The following PSKH1 variants were observed in gnomAD, a reference collection of about 807,000 sequenced individuals.
PSKH1 encodes the protein serine/threonine-protein kinase H1.
In PSKH1, 12 loss-of-function variants were observed where a neutral mutation model predicts 26.7. That is an observed-to-expected ratio of 0.45 (90% CI 0.29 to 0.73). The LOEUF (loss-of-function observed/expected upper bound fraction) is 0.73. Among genes scored for constraint, PSKH1 ranks in the 30% least tolerant of loss-of-function variants. The pLI is 0.11. For synonymous variants in PSKH1, 213 were observed against 234.3 expected, an observed-to-expected ratio of 0.91 and a Z score of 0.83; for missense variants, 431 against 595.2, an observed-to-expected ratio of 0.72 and a Z score of 2.87.
rs2058227958 is a variant in PSKH1 at position 67,928,785 on chromosome 16, GGAGT to G, written c.*1144_*1147del. On this transcript the variant is annotated 3_prime_UTR_variant, in exon 3 of 3. Coordinates refer to ENST00000291041, the MANE Select transcript of PSKH1 (RefSeq NM_006742.3). This position sits in a 1 kb window ranked among gnomAD's most constrained non-coding sequence, Gnocchi z 4.8. The stretch of plus-strand genomic sequence containing the variant: ...TCCTCCATGAGGACATGGGAAGGTA[GGAGT>G]TGCCGCCCTGGGGGAGGGTCCCGGG... The G allele has an allele frequency of 6.6e-6, 1 of 152,362 alleles. No homozygotes were observed. The highest frequency in any genetic ancestry group is 1.5e-5 in the Non-Finnish European group (1 of 68,138). The allele number at this position is 152,362 out of a possible 1,614,324, so 9.4% of individuals were successfully genotyped here.
chr16:67,895,765 A>G (rs951134191), intron 1 of PSKH1, among the ~76,000 whole-genome samples: 1 of 152,198 alleles, frequency 6.6e-6, no homozygotes, highest in African/African-American at 2.4e-5. Flanking sequence ...CTCATTGAAG[A>G]TCTTTGTCAT....
chr16:67,894,517 A>G (rs2058120717), intron 1 of PSKH1, among the ~76,000 whole-genome samples: 1 of 152,190 alleles, frequency 6.6e-6, no homozygotes, highest in Non-Finnish European at 1.5e-5. Flanking sequence ...ACCACCTACC[A>G]GTGTTGGAAA....
intron 1 of PSKH1, among the ~76,000 whole-genome samples, chr16:67,904,446 C>A (rs193192365): frequency 1.3e-5 from 2 of 151,936 alleles, no homozygotes; most frequent in African/African-American, 4.8e-5. Context: ...CCTTGTGATC[C>A]GCCCACCTCG....
intron 2 of PSKH1, among the ~76,000 whole-genome samples, chr16:67,922,684 G>A (rs747180902): frequency 6.6e-6 from 1 of 152,246 alleles, no homozygotes; most frequent in Non-Finnish European, 1.5e-5. Flanking sequence ...CCTTCCTCGT[G>A]TTAAAAGTGA....
chr16:67,909,807 C>T lies in PSKH1; in HGVS notation c.957+101C>T, dbSNP rs781361288. 66 of 1,108,558 alleles carry T rather than the reference C, an allele frequency of 6.0e-5. No homozygotes were observed. The highest frequency in any genetic ancestry group is 2.1e-5 in the Non-Finnish European group (16 of 772,958). The allele number at this position is 1,108,558 out of a possible 1,614,324, so 68.7% of individuals were successfully genotyped here. On this transcript the variant is annotated intron_variant, in intron 2 of 2. Coordinates refer to ENST00000291041, the MANE Select transcript of PSKH1 (RefSeq NM_006742.3). This position sits in a 1 kb window ranked among gnomAD's most constrained non-coding sequence, Gnocchi z 7.8. ...AGAGGTATGTCCTCAGGGCCATGCTCGTGAGGGCCAGGCAGGTCATATAAA... is the reference window on the plus strand; with the variant it reads ...AGAGGTATGTCCTCAGGGCCATGCTTGTGAGGGCCAGGCAGGTCATATAAA...
At chr16:67,898,921 G>T (rs1044891796) in intron 1 of PSKH1, among the ~76,000 whole-genome samples, 1 of 152,002 alleles carries the variant, frequency 6.6e-6, no homozygotes, top group Non-Finnish European at 1.5e-5. Flanking sequence ...GCGCCCAGCC[G>T]GTAGACAGTT....
In PSKH1 at chr16:67,909,579, C is replaced by T. The variant is rs766692223; in HGVS notation, c.830C>T (p.Ser277Leu). The T allele has an allele frequency of 1.9e-6, 3 of 1,613,982 alleles. No homozygotes were observed. The East Asian group carries it at 6.7e-5, about 36-fold the overall frequency. Residue 277 changes from serine to leucine, a missense_variant, in exon 2 of 3, where the codon TCA becomes TTA. Coordinates refer to ENST00000291041, the MANE Select transcript of PSKH1 (RefSeq NM_006742.3). This position sits in a 1 kb window ranked among gnomAD's most constrained non-coding sequence, Gnocchi z 7.8. Reference sequence around the variant, plus strand: ...CTGGTCCGCAAGCCATACACCAACTCAGTGGACATGTGGGCGCTGGGCGTC... The same window carrying T: ...CTGGTCCGCAAGCCATACACCAACTTAGTGGACATGTGGGCGCTGGGCGTC... ...EVLVRKPYTN[S>L]VDMWALGVIA... is the part of the protein sequence containing the mutation.
intron 1 of PSKH1, among the ~76,000 whole-genome samples, chr16:67,905,519 TATA>T (rs2058153781): frequency 1.3e-5 from 2 of 152,214 alleles, no homozygotes; most frequent in African/African-American, 4.8e-5. Context: ...CACTCTACAT[TATA>T]TACTATTGGT....
At chr16:67,919,315 C>T (rs933094461) in intron 2 of PSKH1, among the ~76,000 whole-genome samples, 5 of 152,228 alleles carry the variant, frequency 3.3e-5, no homozygotes, top group African/African-American at 1.2e-4. Flanking sequence ...CTGACCCCTG[C>T]TCCCAGAGTC....
chr16:67,901,491 C>G (rs1400601313), intron 1 of PSKH1, among the ~76,000 whole-genome samples: 1 of 152,112 alleles, frequency 6.6e-6, no homozygotes, highest in African/African-American at 2.4e-5. Flanking sequence ...GCCACCACGC[C>G]TGGCTAATTT....
At chr16:67,921,598 AAAAC>A (rs752052561) in intron 2 of PSKH1, among the ~76,000 whole-genome samples, 1 of 152,128 alleles carries the variant, frequency 6.6e-6, no homozygotes, top group Admixed American at 6.5e-5. Context: ...AAAAAAAACA[AAAAC>A]AAAAATCAAA....
intron 1 of PSKH1, among the ~76,000 whole-genome samples, chr16:67,900,242 G>T (rs554398001): frequency 1.3e-5 from 2 of 152,104 alleles, no homozygotes; most frequent in Non-Finnish European, 1.5e-5. Flanking sequence ...GATTATAGGC[G>T]TGAGCCACTG....
chr16:67,922,467 T>C (rs897433991), intron 2 of PSKH1, among the ~76,000 whole-genome samples: 1 of 152,164 alleles, frequency 6.6e-6, no homozygotes, highest in Non-Finnish European at 1.5e-5. Context: ...CCATCCCTTC[T>C]CTAGAAGCAC....
chr16:67,927,747 T>C lies in PSKH1; in HGVS notation c.*105T>C, dbSNP rs1048795906. ...GGAGATAGGCCTATGTGGCCCACAG[T>C]AGGTGAAGAATGTCTGGCTCCAGCC... is the stretch of plus-strand genomic sequence containing the variant. On this transcript the variant is annotated 3_prime_UTR_variant, in exon 3 of 3. Coordinates refer to ENST00000291041, the MANE Select transcript of PSKH1 (RefSeq NM_006742.3). The surrounding 1 kb of genome is among the most constrained non-coding windows in gnomAD (Gnocchi z 5.5). The C allele has an allele frequency of 7.7e-7, 1 of 1,294,210 alleles. No individual in the cohort carries two copies. The highest frequency in any genetic ancestry group is 2.6e-4 in the Middle Eastern group (1 of 3,798). The allele number at this position is 1,294,210 out of a possible 1,614,324, so 80.2% of individuals were successfully genotyped here. A position where few individuals can be genotyped will look rare whatever the true frequency, so the allele number is the denominator to read the frequency against.
chr16:67,925,339 G>GCA (rs1475305934), intron 2 of PSKH1, among the ~76,000 whole-genome samples: 2 of 152,116 alleles, frequency 1.3e-5, no homozygotes, highest in African/African-American at 4.8e-5. Flanking sequence ...GGGACTACAG[G>GCA]CACGCCACCA....
chr16:67,924,379 G>A (rs1475818474), intron 2 of PSKH1, among the ~76,000 whole-genome samples: 4 of 152,192 alleles, frequency 2.6e-5, no homozygotes, highest in African/African-American at 4.8e-5. Flanking sequence ...CTAACAGGCC[G>A]GCCGCTCCAT....
chr16:67,898,654 C>T (rs372803914), intron 1 of PSKH1, among the ~76,000 whole-genome samples: 3 of 145,024 alleles, frequency 2.1e-5, no homozygotes, highest in Admixed American at 7.0e-5. Flanking sequence ...GATGGAGTCT[C>T]GCTCTGTTGC....
chr16:67,915,663 G>A (rs975107559), intron 2 of PSKH1, among the ~76,000 whole-genome samples: 3 of 152,114 alleles, frequency 2.0e-5, no homozygotes, highest in African/African-American at 7.2e-5. Context: ...GACAGACATC[G>A]CTAGAATGGG....
chr16:67,909,094 A>G lies in PSKH1; in HGVS notation c.345A>G (p.Val115=). The part of the protein sequence containing the change: ...GRGSFSRVVR[V]EHRATRQPYA... Reference sequence around the variant, plus strand: ...GCAGCTTCAGCCGAGTGGTACGTGTAGAGCACCGGGCAACCCGGCAGCCGT... The same window carrying G: ...GCAGCTTCAGCCGAGTGGTACGTGTGGAGCACCGGGCAACCCGGCAGCCGT... The change falls in exon 2 of 3, where the codon GTA becomes GTG. Residue 115 remains valine (V), a synonymous_variant. Transcript: ENST00000291041. This position sits in a 1 kb window ranked among gnomAD's most constrained non-coding sequence, Gnocchi z 7.8. The G allele has an allele frequency of 1.9e-6, 3 of 1,614,216 alleles. No individual in the cohort carries two copies. Among genetic ancestry groups the G allele is most frequent in the Non-Finnish European group, 2.5e-6 (3 of 1,180,036 alleles).
Sources: allele counts gnomAD v4.1 joint callset (sites outside exome capture counted in the v4.1 genomes callset), GRCh38; gene constraint gnomAD v4.1.1; non-coding constraint Gnocchi (gnomAD v3.1); transcripts MANE v1.5; gene names NCBI Gene and HGNC (gene_info 2026-07-23, HGNC 2026-07-21).